Variants in AKR1C1 observed in about 807,000 individuals in gnomAD.
AKR1C1 encodes 20 alpha-hydroxysteroid dehydrogenase.
AKR1C1 carries 32 observed loss-of-function variants against 40.6 expected under a neutral mutation model. The ratio of observed to expected loss-of-function variants is 0.79; its 90% confidence interval spans 0.60 to 1.06. The LOEUF is 1.06. Ranked by LOEUF, AKR1C1 falls within the 50% of genes least tolerant of loss-of-function variation. The pLI, the probability that AKR1C1 is intolerant of heterozygous loss-of-function variation, is 0.00. For missense variants in AKR1C1, 320 were observed against 363.5 expected (o/e 0.88, Z 0.97); for synonymous variants, 105 against 134.2 (o/e 0.78, Z 1.50).
At chr10:4,969,794 A>T in intron 5 of AKR1C1, 1 of 1,547,496 alleles carries the variant, frequency 6.5e-7, no homozygotes, top group Non-Finnish European at 8.8e-7. Context: ...CACTTTTCCC[A>T]GTAAATTACA....
intron 6 of AKR1C1, 86 bp from the exon 7 acceptor site, chr10:4,972,498 A>G (rs1836446855): frequency 1.9e-6 from 3 of 1,607,598 alleles, no homozygotes; most frequent in Non-Finnish European, 2.6e-6. Flanking sequence ...TCCGGTGCAG[A>G]GTGGACGCCT....
rs1836603467 is a variant in AKR1C1 at position 4,980,814 on chromosome 10, C to A, written c.*3072C>A. On this transcript the variant is annotated 3_prime_UTR_variant, in exon 9 of 9. Transcript: ENST00000380872. ...AACTCCTGTTCAAGTAAATGTTTTG[C>A]CCTCCTGTCACGAATCATGAATGTT... The A allele has an allele frequency of 6.6e-6, 1 of 152,094 alleles. No homozygotes were observed. Among genetic ancestry groups the A allele is most frequent in the Admixed American group, 6.6e-5 (1 of 15,260 alleles). The allele number at this position is 152,094 out of a possible 1,614,324, so 9.4% of individuals were successfully genotyped here.
intron 5 of AKR1C1, among the ~76,000 whole-genome samples, chr10:4,971,525 A>AT (rs1564316816): frequency 2.1e-4 from 11 of 52,936 alleles, no homozygotes; most frequent in Non-Finnish European, 6.6e-5. Flanking sequence ...ATATATATAA[A>AT]ATATATATGA....
chr10:4,969,692 C>A, intron 5 of AKR1C1: 16 of 1,611,990 alleles, frequency 9.9e-6, no homozygotes, highest in Non-Finnish European at 1.3e-5. Context: ...ATAATTCCAT[C>A]TTTTCCTTGA....
rs781952869 is a variant in AKR1C1 at position 4,972,198 on chromosome 10, C to G, written c.571-3C>G. 2 of 1,613,500 alleles carry G rather than the reference C, an allele frequency of 1.2e-6. No homozygotes were observed. The highest frequency in any genetic ancestry group is 2.2e-5 in the South Asian group (2 of 91,004). On this transcript the variant is annotated splice_polypyrimidine_tract_variant and splice_region_variant and intron_variant, in intron 5 of 8. Transcript: ENST00000380872. ...GATGCTTTTCCATCTTGCTCGTCTG[C>G]AGGTGGAATGTCATCCTTACTTCAA...
At chr10:4,966,725 A>G (rs1487728879) in intron 2 of AKR1C1, among the ~76,000 whole-genome samples, 1 of 152,252 alleles carries the variant, frequency 6.6e-6, no homozygotes, top group Non-Finnish European at 1.5e-5. Flanking sequence ...TTCATTCAAT[A>G]TATGTACTAA....
At chr10:4,965,775 T>A in intron 1 of AKR1C1, 139 bp from the exon 2 acceptor site, 1 of 982,558 alleles carries the variant, frequency 1.0e-6, no homozygotes. Flanking sequence ...CCAGGGAGAC[T>A]GGGATGGGCT....
chr10:4,965,872 G>A, intron 1 of AKR1C1, 42 bp from the exon 2 acceptor site: 1 of 1,587,000 alleles, frequency 6.3e-7, no homozygotes, highest in African/African-American at 1.4e-5. Context: ...CTAACTCTCA[G>A]GCACATTAGT....
chr10:4,965,091 T>C (rs941061849), intron 1 of AKR1C1, among the ~76,000 whole-genome samples: 14 of 152,222 alleles, frequency 9.2e-5, no homozygotes, highest in African/African-American at 2.9e-4. Context: ...TAATGGAGTA[T>C]GTAGAGAGCA....
At position 4,972,720 on chromosome 10, in the gene AKR1C1, A is replaced by C; in HGVS notation, c.817A>C (p.Asn273His). ...GGTTGTGGTCCTGGCCAAGAGCTAC[A>C]ATGAGCAGCGCATCAGACAGAACGT... ...RGVVVLAKSY[N>H]EQRIRQNVQV... Residue 273 changes from asparagine (N) to histidine (H), a missense_variant, in exon 7 of 9, where the codon AAT (asparagine) becomes CAT (histidine). Asn to His is a moderately conservative substitution (Grantham distance 68). Transcript: ENST00000380872. 1 of 1,612,324 alleles carries C rather than the reference A, an allele frequency of 6.2e-7. No homozygotes were observed. The highest frequency in any genetic ancestry group is 8.5e-7 in the Non-Finnish European group (1 of 1,179,986).
Position 4,971,811 on chromosome 10 carries a change from T to C in AKR1C1, c.571-390T>C, listed in dbSNP as rs537531937. Reference sequence around the variant, plus strand: ...TACATATACATGTATGCATTTTTGGTATTAATTAGGAAACTAGTTCTTTTG... The same window carrying C: ...TACATATACATGTATGCATTTTTGGCATTAATTAGGAAACTAGTTCTTTTG... On this transcript the variant is annotated intron_variant, in intron 5 of 8. Coordinates refer to ENST00000380872, the MANE Select transcript of AKR1C1 (RefSeq NM_001353.6). Among the ~76,000 whole-genome samples, 3 of 152,118 alleles carry C rather than the reference T, an allele frequency of 2.0e-5. No homozygotes were observed. The East Asian group carries it at 5.8e-4, about 29-fold the overall frequency.
In AKR1C1 at chr10:4,980,482, AAC is replaced by A; in HGVS notation, c.*2743_*2744del. 1 of 145,230 alleles carries A rather than the reference AAC, an allele frequency of 6.9e-6. No homozygotes were observed. The highest frequency in any genetic ancestry group is 1.5e-5 in the Non-Finnish European group (1 of 66,114). 9.0% of individuals were successfully genotyped at this position (145,230 alleles called of 1,614,324 possible). The stretch of plus-strand genomic sequence containing the variant: ...GATAGCATTAGAGAGAATTCTCTCA[AAC>A]ACTGTCATGGCCTTATCAACTATGC... On this transcript the variant is annotated 3_prime_UTR_variant, in exon 9 of 9. Coordinates refer to ENST00000380872, the MANE Select transcript of AKR1C1 (RefSeq NM_001353.6).
In AKR1C1 at chr10:4,973,674, T is replaced by G. The variant is rs546462862; in HGVS notation, c.846+925T>G. Among the ~76,000 whole-genome samples the G allele has an allele frequency of 5.3e-5, 8 of 152,300 alleles. No homozygotes were observed. In the South Asian group the frequency reaches 1.2e-3, roughly 24 times the overall value. On this transcript the variant is annotated intron_variant, in intron 7 of 8. Transcript: ENST00000380872. ...CTTGTTGGAAGGAGCTGGAAATTCA[T>G]ATAACCAAGCAAGTGGATACAGGGA... is the stretch of plus-strand genomic sequence containing the variant.
rs1138574 is a variant in AKR1C1 at position 4,965,964 on chromosome 10, C to G, written c.135C>G (p.Gly45=). ...LEATKLAIEA[G]FRHIDSAHLY... is the part of the protein sequence containing the mutation. ...CCACCAAATTGGCAATTGAAGCTGG[C>G]TTCCGCCATATTGATTCTGCTCATT... is the stretch of plus-strand genomic sequence containing the variant. The change falls in exon 2 of 9, where the codon GGC becomes GGG. Residue 45 remains glycine (G), a synonymous_variant. Coordinates refer to ENST00000380872, the MANE Select transcript of AKR1C1 (RefSeq NM_001353.6). The G allele has an allele frequency of 3.1e-6, 5 of 1,614,232 alleles. No individual in the cohort carries two copies. In the East Asian group the frequency reaches 6.7e-5, roughly 22 times the overall value.
chr10:4,963,869 A>G, intron 1 of AKR1C1: 1 of 766,216 alleles, frequency 1.3e-6, no homozygotes, highest in Middle Eastern at 2.5e-4. Context: ...AGAAGATACA[A>G]TTCAGAGGAA....
rs1836572206 is a variant in AKR1C1 at position 4,979,024 on chromosome 10, T to C, written c.*1282T>C. On this transcript the variant is annotated 3_prime_UTR_variant, in exon 9 of 9. Transcript: ENST00000380872. ...AGGACAGTGGTTTTTAACCTGGGCA[T>C]ATGTTCTAACACATTTACTCTCCAC... 3.3e-5 allele frequency: 5 copies of C among 152,304 alleles called. No homozygotes were observed. The South Asian group carries it at 8.3e-4, about 25-fold the overall frequency. 9.4% of individuals were successfully genotyped at this position (152,304 alleles called of 1,614,324 possible).
Position 4,979,296 on chromosome 10 carries a change from G to T in AKR1C1, c.*1554G>T, listed in dbSNP as rs536190546. The T allele has an allele frequency of 6.6e-5, 10 of 152,004 alleles. No individual in the cohort carries two copies. The highest frequency in any genetic ancestry group is 2.1e-4 in the South Asian group (1 of 4,826). The allele number at this position is 152,004 out of a possible 1,614,324, so 9.4% of individuals were successfully genotyped here. On this transcript the variant is annotated 3_prime_UTR_variant, in exon 9 of 9. Transcript: ENST00000380872. The stretch of plus-strand genomic sequence containing the variant: ...ATTAAATATTAAATATCACTTCTAG[G>T]CTGAAAAATCCCCCTAAAAATATTT...
At position 4,965,973 on chromosome 10, in the gene AKR1C1, T is replaced by C; in HGVS notation, c.144T>C (p.His48=). ...TKLAIEAGFR[H]IDSAHLYNNE... is the part of the protein sequence containing the mutation. ...TGGCAATTGAAGCTGGCTTCCGCCATATTGATTCTGCTCATTTATACAATA... is the reference window on the plus strand; with the variant it reads ...TGGCAATTGAAGCTGGCTTCCGCCACATTGATTCTGCTCATTTATACAATA... Residue 48 remains histidine (H), a synonymous_variant, in exon 2 of 9, where the codon CAT becomes CAC. Transcript: ENST00000380872. The C allele has an allele frequency of 1.2e-6, 2 of 1,614,208 alleles. No individual in the cohort carries two copies. Among genetic ancestry groups the C allele is most frequent in the Non-Finnish European group, 1.7e-6 (2 of 1,180,026 alleles).
At chr10:4,977,163 A>G (rs1836538618) in intron 8 of AKR1C1, among the ~76,000 whole-genome samples, 1 of 152,252 alleles carries the variant, frequency 6.6e-6, no homozygotes, top group African/African-American at 2.4e-5. Flanking sequence ...AATGGTTTAT[A>G]CATTGTAGCT....
Sources: allele counts gnomAD v4.1 joint callset (sites outside exome capture counted in the v4.1 genomes callset), GRCh38; gene constraint gnomAD v4.1.1; transcripts MANE v1.5; gene names NCBI Gene and HGNC (gene_info 2026-07-23, HGNC 2026-07-21).